Variants in CYFIP1 observed in about 807,000 individuals in gnomAD.
CYFIP1 encodes the protein cytoplasmic FMR1-interacting protein 1.
A neutral mutation model predicts 163.5 loss-of-function variants in CYFIP1; 58 were observed. That is an observed-to-expected ratio of 0.35 (90% CI 0.29 to 0.44). The LOEUF (loss-of-function observed/expected upper bound fraction) is 0.44, where lower values mean the gene tolerates loss of function less well. Ranked by LOEUF, CYFIP1 falls within the 20% of genes least tolerant of loss-of-function variation. The probability of loss-of-function intolerance (pLI) is 1.00; values close to 1 mark genes in which losing one functional copy is unlikely to be tolerated. For missense variants in CYFIP1, 1,338 were observed against 1,653.8 expected (o/e 0.81, Z 3.31); for synonymous variants, 663 against 660.7 (o/e 1.00, Z -0.05).
intron 22 of CYFIP1, among the ~76,000 whole-genome samples, chr15:22,893,922 T>C (rs1391357379): frequency 6.6e-6 from 1 of 152,212 alleles, no homozygotes; most frequent in Admixed American, 6.5e-5. Context: ...GATGTGTGCA[T>C]GTCTGTGTGT....
chr15:22,879,111 G>C (rs1343186148), intron 26 of CYFIP1, among the ~76,000 whole-genome samples: 1 of 151,224 alleles, frequency 6.6e-6, no homozygotes, highest in Admixed American at 6.6e-5. Context: ...ACTCCAGCCG[G>C]GGTGACAGAG....
chr15:22,916,656 G>T (rs1249244517), intron 15 of CYFIP1, 26 bp from the exon 16 acceptor site: 2 of 1,614,088 alleles, frequency 1.2e-6, no homozygotes, highest in Non-Finnish European at 1.7e-6. Context: ...AAACATTTGT[G>T]GGGGAGAAAA....
At chr15:22,890,360 A>G (rs1203873398) in intron 23 of CYFIP1, among the ~76,000 whole-genome samples, 1 of 151,994 alleles carries the variant, frequency 6.6e-6, no homozygotes, top group Non-Finnish European at 1.5e-5. Context: ...TAGAAAGAAC[A>G]TGGGAGTATC....
At position 22,971,778 on chromosome 15, in the gene CYFIP1, G is replaced by C. The variant is rs1433347133; in HGVS notation, c.-7+8509C>G. On this transcript the variant is annotated intron_variant, in intron 1 of 30. Coordinates refer to ENST00000617928, the MANE Select transcript of CYFIP1 (RefSeq NM_014608.6). Reference sequence around the variant, plus strand: ...CCAGACACTCAGGAGGCTGAAGTGGGAGGATCGCTTGAGCCCAGGATATCA... The same window carrying C: ...CCAGACACTCAGGAGGCTGAAGTGGCAGGATCGCTTGAGCCCAGGATATCA... 2.0e-5 allele frequency among the ~76,000 whole-genome samples: 3 copies of C among 152,168 alleles called. No homozygotes were observed. The East Asian group carries it at 5.8e-4, about 29-fold the overall frequency.
intron 1 of CYFIP1, 35 bp from the exon 2 acceptor site, chr15:22,947,326 GAGA>G (rs1250792418): frequency 4.4e-6 from 7 of 1,598,684 alleles, no homozygotes; most frequent in Non-Finnish European, 8.5e-7. Context: ...GTTCTGTGAG[GAGA>G]AGGAGGGGAC....
chr15:22,950,971 T>A (rs2062230058), intron 1 of CYFIP1, among the ~76,000 whole-genome samples: 1 of 152,218 alleles, frequency 6.6e-6, no homozygotes, highest in Admixed American at 6.5e-5. Flanking sequence ...ATTATTGTAA[T>A]CTCTTACCGT....
intron 20 of CYFIP1, among the ~76,000 whole-genome samples, chr15:22,909,725 T>A (rs2060717660): frequency 1.3e-5 from 2 of 152,064 alleles, no homozygotes; most frequent in Non-Finnish European, 2.9e-5. Context: ...TAATTTTTAA[T>A]TTTTTTTCTT....
chr15:22,953,510 C>T (rs2062332087), intron 1 of CYFIP1, among the ~76,000 whole-genome samples: 1 of 152,100 alleles, frequency 6.6e-6, no homozygotes, highest in African/African-American at 2.4e-5. Context: ...CCCCCAGCAC[C>T]AGCATCCAGC....
chr15:22,893,890 T>C (rs1291319138), intron 22 of CYFIP1, among the ~76,000 whole-genome samples: 1 of 152,228 alleles, frequency 6.6e-6, no homozygotes, highest in Non-Finnish European at 1.5e-5. Flanking sequence ...AGATGTGTTA[T>C]CTGCAGATGT....
chr15:22,934,585 C>A (rs1254478106), intron 9 of CYFIP1, among the ~76,000 whole-genome samples: 1 of 142,106 alleles, frequency 7.0e-6, no homozygotes, highest in Non-Finnish European at 1.5e-5. Flanking sequence ...GCAACCTCTA[C>A]CTCCAGGGTT....
chr15:22,934,624 A>C (rs2061655530), intron 9 of CYFIP1, among the ~76,000 whole-genome samples: 1 of 148,928 alleles, frequency 6.7e-6, no homozygotes, highest in Admixed American at 6.7e-5. Flanking sequence ...CAGCCTCCCG[A>C]GGAGCTGGGA....
At chr15:22,908,297 G>A (rs957338188) in intron 21 of CYFIP1, among the ~76,000 whole-genome samples, 4 of 152,032 alleles carry the variant, frequency 2.6e-5, no homozygotes, top group African/African-American at 9.7e-5. Flanking sequence ...TGTAGGCTCC[G>A]TGAGACAGCC....
intron 1 of CYFIP1, among the ~76,000 whole-genome samples, chr15:22,972,242 C>A (rs28827821): frequency 0.18 from 27,317 of 152,082 alleles, 2,537 homozygotes; most frequent in Non-Finnish European, 0.2. Flanking sequence ...TCGAGACCAG[C>A]CTGGCCAACA....
At chr15:22,979,120 G>A (rs1463315519) in intron 1 of CYFIP1, among the ~76,000 whole-genome samples, 1 of 152,142 alleles carries the variant, frequency 6.6e-6, no homozygotes, top group Non-Finnish European at 1.5e-5. Context: ...TCGCAGTGAG[G>A]GCACCGGCAC....
intron 11 of CYFIP1, among the ~76,000 whole-genome samples, chr15:22,928,337 T>G (rs542772525): frequency 5.0e-4 from 76 of 152,112 alleles, no homozygotes; most frequent in African/African-American, 1.8e-3. Flanking sequence ...GAGCCGACAC[T>G]GCGCCACTGC....
At chr15:22,906,547 C>G (rs1198922467) in intron 21 of CYFIP1, among the ~76,000 whole-genome samples, 1 of 150,094 alleles carries the variant, frequency 6.7e-6, no homozygotes, top group Non-Finnish European at 1.5e-5. Flanking sequence ...CTCACTGCAA[C>G]CTCCGCCTCC....
intron 1 of CYFIP1, among the ~76,000 whole-genome samples, chr15:22,954,809 T>G (rs999114262): frequency 6.6e-6 from 1 of 152,122 alleles, no homozygotes; most frequent in Admixed American, 6.5e-5. Context: ...AATTTAAGAG[T>G]TTTTAAAAAT....
chr15:22,951,262 G>C, intron 1 of CYFIP1: 1 of 1,028,378 alleles, frequency 9.7e-7, no homozygotes, highest in Non-Finnish European at 1.2e-6. Flanking sequence ...ACCGCAGCCG[G>C]TCACTGCTGC....
chr15:22,951,250 C>G (rs910122471), intron 1 of CYFIP1: 1 of 982,540 alleles, frequency 1.0e-6, no homozygotes, highest in African/African-American at 1.8e-5. Context: ...GGAACGCCCC[C>G]GACCGCAGCC....
Sources: allele counts gnomAD v4.1 joint callset (sites outside exome capture counted in the v4.1 genomes callset), GRCh38; gene constraint gnomAD v4.1.1; transcripts MANE v1.5; gene names NCBI Gene and HGNC (gene_info 2026-07-23, HGNC 2026-07-21).